The following CDK12 variants were observed in gnomAD, a reference collection of about 807,000 sequenced individuals.
CDK12 encodes the protein cyclin-dependent kinase 12.
In CDK12, 17 loss-of-function variants were observed where a neutral mutation model predicts 133.8. That is an observed-to-expected ratio of 0.13 (90% CI 0.09 to 0.19). The LOEUF (loss-of-function observed/expected upper bound fraction) is 0.19. CDK12 is among the 10% of genes least tolerant of loss of function. The pLI is 1.00. For synonymous variants in CDK12, 694 were observed against 683.6 expected, an observed-to-expected ratio of 1.02 and a Z score of -0.24; for missense variants, 1,508 against 1,818.7, an observed-to-expected ratio of 0.83 and a Z score of 3.11.
At chr17:39,510,106 ATCTC>A (rs1167524992) in intron 7 of CDK12, among the ~76,000 whole-genome samples, 4 of 145,182 alleles carry the variant, frequency 2.8e-5, no homozygotes, top group Admixed American at 6.9e-5. Context: ...CTGGGCAACA[ATCTC>A]TCTCTTTTTT....
At chr17:39,519,742 CA>C (rs1386072795) in intron 10 of CDK12, among the ~76,000 whole-genome samples, 1 of 152,050 alleles carries the variant, frequency 6.6e-6, no homozygotes, top group Non-Finnish European at 1.5e-5. Context: ...GGGTGCACAG[CA>C]TTGCACCCAG....
intron 10 of CDK12, among the ~76,000 whole-genome samples, chr17:39,517,919 T>C (rs2053913164): frequency 6.6e-6 from 1 of 151,874 alleles, no homozygotes; most frequent in Non-Finnish European, 1.5e-5. Flanking sequence ...GTGGCACGTT[T>C]AGGGCTCACT....
intron 2 of CDK12, among the ~76,000 whole-genome samples, chr17:39,482,271 C>T (rs915272372): frequency 1.3e-5 from 2 of 152,060 alleles, no homozygotes; most frequent in Non-Finnish European, 2.9e-5. Flanking sequence ...CTCGGCCTCT[C>T]AGAGTGCTAG....
rs1475540814 is a variant in CDK12, at chr17:39,461,751, C to T, written c.-321C>T. 5.1e-6 allele frequency: 2 copies of T among 395,468 alleles called. No homozygotes were observed. Among genetic ancestry groups the T allele is most frequent in the Non-Finnish European group, 9.2e-6 (2 of 216,408 alleles). 24.5% of individuals were successfully genotyped at this position (395,468 alleles called of 1,614,324 possible). A position where few individuals can be genotyped will look rare whatever the true frequency, so the allele number is the denominator to read the frequency against. On this transcript the variant is annotated 5_prime_UTR_variant, in exon 1 of 14. Coordinates refer to ENST00000447079, the MANE Select transcript of CDK12 (RefSeq NM_016507.4). ...GCCCCGGGCCGTCGGCTTCTCACTTCCTGGACCTCCCCGGCGCCCGGGCCT... is the reference window on the plus strand; with the variant it reads ...GCCCCGGGCCGTCGGCTTCTCACTTTCTGGACCTCCCCGGCGCCCGGGCCT...
intron 8 of CDK12, among the ~76,000 whole-genome samples, chr17:39,512,333 C>A (rs2053551878): frequency 6.6e-6 from 1 of 152,116 alleles, no homozygotes; most frequent in African/African-American, 2.4e-5. Flanking sequence ...GGGTAGTAGA[C>A]CCTGAAACTA....
intron 3 of CDK12, among the ~76,000 whole-genome samples, chr17:39,560,480 C>T (rs2056334594): frequency 6.6e-6 from 1 of 152,144 alleles, no homozygotes; most frequent in African/African-American, 2.4e-5. Flanking sequence ...AAAATTGAGG[C>T]TCATGTTAAA....
chr17:39,539,932 A>G (rs1258956625), intron 1 of CDK12, among the ~76,000 whole-genome samples: 3 of 152,216 alleles, frequency 2.0e-5, no homozygotes, highest in Admixed American at 2.0e-4. Context: ...AAGGAGTATT[A>G]GGAAATGAAG....
upstream of CDK12, among the ~76,000 whole-genome samples, chr17:39,544,761 G>T (rs1214246823): frequency 6.6e-6 from 1 of 151,506 alleles, no homozygotes; most frequent in Non-Finnish European, 1.5e-5. Context: ...CTCCTGAGTA[G>T]CTGCGGTTAC....
chr17:39,483,524 A>G (rs991770702), intron 2 of CDK12, among the ~76,000 whole-genome samples: 1 of 152,126 alleles, frequency 6.6e-6, no homozygotes, highest in East Asian at 1.9e-4. Flanking sequence ...TTGGCCTTCT[A>G]AAGTGCTAGG....
chr17:39,481,645 T>TCTCTCTCTCTCTCTCC, intron 2 of CDK12, among the ~76,000 whole-genome samples: 1 of 8,682 alleles, frequency 1.2e-4, no homozygotes, highest in African/African-American at 3.0e-4. Flanking sequence ...TCTCTCTCTC[T>TCTCTCTCTCTCTCTCC]CTCTCTCTCT....
chr17:39,561,325 C>T (rs954504470), intron 3 of CDK12, among the ~76,000 whole-genome samples: 3 of 152,160 alleles, frequency 2.0e-5, no homozygotes, highest in African/African-American at 4.8e-5. Flanking sequence ...TGTTTTTGAA[C>T]AGGGGAACTA....
intron 4 of CDK12, 24 bp downstream of exon 4, chr17:39,492,914 G>A (rs1247045385): frequency 6.3e-7 from 1 of 1,581,790 alleles, no homozygotes; most frequent in African/African-American, 1.4e-5. Flanking sequence ...CAAAATTTTA[G>A]ATGTCAGAAT....
intron 1 of CDK12, among the ~76,000 whole-genome samples, chr17:39,466,032 C>T (rs1239072197): frequency 1.3e-5 from 2 of 152,106 alleles, no homozygotes; most frequent in Middle Eastern, 3.4e-3. Flanking sequence ...GGAGGCTGGG[C>T]GTGGTGGCTT....
chr17:39,471,365 G>C lies in CDK12; in HGVS notation c.1533G>C (p.Glu511Asp). The change falls in exon 2 of 14, where the codon GAG (glutamate) becomes GAC (aspartate). Residue 511 changes from glutamate to aspartate, a missense_variant. By Grantham distance (45) the Glu-to-Asp change is conservative (BLOSUM62 2). Around this residue, in one of 9 missense-constraint regions of CDK12, gnomAD observed 347 missense variants for 330.8 expected, o/e 1.05. Transcript: ENST00000447079. ...CTAAACCCATAGCACTGAAAGAGGA[G>C]ATTGTTACTCCAAAGGAGACAGAAA... Reference protein sequence around the residue: ...RDSKPIALKEEIVTPKETETS... With the variant: ...RDSKPIALKEDIVTPKETETS... 3.7e-6 allele frequency: 6 copies of C among 1,614,048 alleles called. No homozygotes were observed. The highest frequency in any genetic ancestry group is 3.4e-6 in the Non-Finnish European group (4 of 1,180,018).
downstream of CDK12, among the ~76,000 whole-genome samples, chr17:39,536,927 G>A (rs2055159177): frequency 6.6e-6 from 1 of 152,150 alleles, no homozygotes; most frequent in Non-Finnish European, 1.5e-5. Context: ...TTAGACCCAG[G>A]TTCTCTAGGA....
At chr17:39,464,279 G>A (rs1056288455) in intron 1 of CDK12, among the ~76,000 whole-genome samples, 2 of 151,496 alleles carry the variant, frequency 1.3e-5, no homozygotes, top group Non-Finnish European at 2.9e-5. Flanking sequence ...GGAGTGCAGT[G>A]GCATCATCTT....
intron 2 of CDK12, 123 bp downstream of exon 2, chr17:39,471,886 T>A (rs2049823948): frequency 3.4e-6 from 3 of 873,960 alleles, no homozygotes; most frequent in Non-Finnish European, 5.2e-6. Context: ...ATATTTTCAG[T>A]GGGAAAGTCT....
At position 39,508,868 on chromosome 17, in the gene CDK12, A is replaced by AG. The variant is rs2053300627; in HGVS notation, c.2610-837_2610-836insG. Reference sequence around the variant, plus strand: ...TAATTAGCTGGACATATTGGTGCACACCTATAGTCCCAGCTACTTGGGAGG... The same window carrying AG: ...TAATTAGCTGGACATATTGGTGCACAGCCTATAGTCCCAGCTACTTGGGAGG... On this transcript the variant is annotated intron_variant, in intron 6 of 13. Transcript: ENST00000447079. Among the ~76,000 whole-genome samples, 54 of 151,984 alleles carry AG rather than the reference A, an allele frequency of 3.6e-4. 1 individual carries two copies. The highest frequency in any genetic ancestry group is 3.5e-3 in the Admixed American group (53 of 15,216).
chr17:39,566,287 C>G (rs2056571554), downstream of CDK12, among the ~76,000 whole-genome samples: 1 of 152,118 alleles, frequency 6.6e-6, no homozygotes. Context: ...ACAGCTGTCA[C>G]GGCCTCTGGT....
Sources: allele counts gnomAD v4.1 joint callset (sites outside exome capture counted in the v4.1 genomes callset), GRCh38; gene constraint gnomAD v4.1.1; regional missense constraint gnomAD v4.1.1; transcripts MANE v1.5; gene names NCBI Gene and HGNC (gene_info 2026-07-23, HGNC 2026-07-21).